Variants in FBXL20 observed in about 807,000 individuals in gnomAD.
The protein encoded by FBXL20 is F-box/LRR-repeat protein 20.
A neutral mutation model predicts 64.0 loss-of-function variants in FBXL20; 11 were observed. The ratio of observed to expected loss-of-function variants is 0.17; its 90% CI spans 0.11 to 0.28. FBXL20 has a LOEUF of 0.28. Among genes scored for constraint, FBXL20 ranks in the 10% least tolerant of loss-of-function variants. The pLI is 1.00. For missense variants in FBXL20, 303 were observed against 526.2 expected (o/e 0.58, Z 4.15); for synonymous variants, 184 against 189.0 (o/e 0.97, Z 0.22).
chr17:39,401,939 C>A, upstream of FBXL20: 1 of 425,666 alleles, frequency 2.3e-6, no homozygotes, highest in Non-Finnish European at 3.9e-6. Flanking sequence ...GATGCGAGTG[C>A]GCGCGTGCTC....
intron 2 of FBXL20, among the ~76,000 whole-genome samples, chr17:39,342,091 T>C (rs779206697): frequency 1.3e-5 from 2 of 152,198 alleles, no homozygotes; most frequent in African/African-American, 2.4e-5. Flanking sequence ...AACCAGTTTA[T>C]ATATTTATGT....
At chr17:39,275,507 G>T (rs1324686832) in intron 9 of FBXL20, among the ~76,000 whole-genome samples, 1 of 151,990 alleles carries the variant, frequency 6.6e-6, no homozygotes, top group Admixed American at 6.6e-5. Flanking sequence ...CACCTCCCAG[G>T]TTCAAGCGAT....
At chr17:39,275,796 ATAAG>A (rs1345094499) in intron 9 of FBXL20, among the ~76,000 whole-genome samples, 2 of 152,146 alleles carry the variant, frequency 1.3e-5, no homozygotes, top group Admixed American at 1.3e-4. Context: ...ATTGACACTG[ATAAG>A]TTAGTGAAAA....
intron 2 of FBXL20, among the ~76,000 whole-genome samples, chr17:39,305,988 A>C (rs1322693781): frequency 2.0e-5 from 3 of 151,260 alleles, no homozygotes; most frequent in African/African-American, 7.3e-5. Flanking sequence ...ACTGTGTCTC[A>C]AAAAACAAAC....
chr17:39,393,059 C>T (rs1439313712), intron 1 of FBXL20, among the ~76,000 whole-genome samples: 1 of 151,826 alleles, frequency 6.6e-6, no homozygotes, highest in Non-Finnish European at 1.5e-5. Flanking sequence ...GAAGCCAAGG[C>T]GGGCGGATCA....
At chr17:39,382,884 C>G (rs1403846083) in intron 1 of FBXL20, among the ~76,000 whole-genome samples, 1 of 151,426 alleles carries the variant, frequency 6.6e-6, no homozygotes, top group South Asian at 2.1e-4. Context: ...AGGTCAGGTG[C>G]GGTGGCTCAC....
intron 1 of FBXL20, among the ~76,000 whole-genome samples, chr17:39,371,404 G>A (rs977925833): frequency 2.0e-5 from 3 of 151,948 alleles, no homozygotes; most frequent in African/African-American, 7.3e-5. Context: ...TGGATGGAGG[G>A]CATTCTCTTA....
chr17:39,393,041 C>T (rs1597839361), intron 1 of FBXL20, among the ~76,000 whole-genome samples: 2 of 151,786 alleles, frequency 1.3e-5, no homozygotes, highest in Non-Finnish European at 2.9e-5. Context: ...ATACTCTCAG[C>T]ACTTTGGGAA....
At chr17:39,272,728 AAGAAAGAAAGAAAG>A (rs1316908038) in intron 10 of FBXL20, among the ~76,000 whole-genome samples, 81 of 151,434 alleles carry the variant, frequency 5.3e-4, no homozygotes, top group African/African-American at 1.9e-3. Flanking sequence ...AAAAGAAAGA[AAGAAAGAAAGAAAG>A]AAAAAGAAAG....
intron 1 of FBXL20, among the ~76,000 whole-genome samples, chr17:39,395,671 T>C (rs1350456485): frequency 6.6e-6 from 1 of 152,214 alleles, no homozygotes; most frequent in Non-Finnish European, 1.5e-5. Flanking sequence ...TGTCACCCAC[T>C]AGAAAAATAT....
intron 1 of FBXL20, among the ~76,000 whole-genome samples, chr17:39,372,487 C>G (rs1402987729): frequency 7.8e-6 from 1 of 128,422 alleles, no homozygotes; most frequent in African/African-American, 3.1e-5. Flanking sequence ...CCACTGCACT[C>G]CAGCCTGGCA....
intron 10 of FBXL20, 57 bp downstream of exon 10, chr17:39,274,913 A>G: frequency 6.2e-7 from 1 of 1,604,356 alleles, no homozygotes; most frequent in Non-Finnish European, 8.5e-7. Context: ...AGGAAGAAAT[A>G]TGGGTGAAGG....
At chr17:39,349,940 A>AT (rs940218421) in intron 1 of FBXL20, among the ~76,000 whole-genome samples, 2 of 152,000 alleles carry the variant, frequency 1.3e-5, no homozygotes, top group African/African-American at 4.8e-5. Context: ...CGTCTCAAAA[A>AT]AAAAAAAAAA....
chr17:39,346,200 T>C (rs2047630835), intron 1 of FBXL20, among the ~76,000 whole-genome samples: 1 of 149,440 alleles, frequency 6.7e-6, no homozygotes, highest in Non-Finnish European at 1.5e-5. Context: ...TCAGATGTGA[T>C]GGTGTACACC....
Position 39,401,405 on chromosome 17 carries a change from G to A in FBXL20, c.-3C>T. 1 of 1,605,020 alleles carries A rather than the reference G, an allele frequency of 6.2e-7. No individual in the cohort carries two copies. The highest frequency in any genetic ancestry group is 8.5e-7 in the Non-Finnish European group (1 of 1,176,366). On this transcript the variant is annotated 5_prime_UTR_variant, in exon 1 of 15. Transcript: ENST00000264658. Reference sequence around the variant, plus strand: ...ACTCCGTTCACGTCCCTCCTCATGGGGCCGGCGGGTGCGGCCCGGGCCGGG... The same window carrying A: ...ACTCCGTTCACGTCCCTCCTCATGGAGCCGGCGGGTGCGGCCCGGGCCGGG...
chr17:39,351,591 T>G (rs563921715), intron 1 of FBXL20, among the ~76,000 whole-genome samples: 1 of 152,298 alleles, frequency 6.6e-6, no homozygotes, highest in South Asian at 2.1e-4. Context: ...TACAACAATC[T>G]TGTGAAGGAT....
At position 39,276,363 on chromosome 17, in the gene FBXL20, A is replaced by G. The variant is rs75625292; in HGVS notation, c.697-1263T>C. 1.8e-3 allele frequency among the ~76,000 whole-genome samples: 260 copies of G among 148,112 alleles called. 8 individuals carry two copies. The East Asian group carries it at 0.049, about 28-fold the overall frequency. ...GAAGGAAGAGAAGAAAGAAAGGAAG[A>G]AGGAGGGAGGGAGGGAAGTTATTGA... On this transcript the variant is annotated intron_variant, in intron 9 of 14. Coordinates refer to ENST00000264658, the MANE Select transcript of FBXL20 (RefSeq NM_032875.3).
chr17:39,380,363 C>T (rs2144653102), intron 1 of FBXL20, among the ~76,000 whole-genome samples: 1 of 152,346 alleles, frequency 6.6e-6, no homozygotes, highest in South Asian at 2.1e-4. Context: ...ACTCTGACCT[C>T]ATCCCTACCA....
chr17:39,297,391 G>A (rs992750675), intron 5 of FBXL20, 196 bp from the exon 6 acceptor site: 4 of 376,104 alleles, frequency 1.1e-5, no homozygotes, highest in Non-Finnish European at 1.9e-5. Context: ...AATTTCCTGA[G>A]TGATAGTATC....
Sources: gnomAD v4.1 joint callset for allele counts (sites outside exome capture counted in the v4.1 genomes callset) on GRCh38, gnomAD v4.1.1 for gene constraint, MANE v1.5 for transcripts, NCBI Gene and HGNC (gene_info 2026-07-23, HGNC 2026-07-21) for gene names.